Variants in CSNK2A2 observed in about 807,000 individuals in gnomAD.
CSNK2A2 encodes the protein casein kinase 2 alpha 2, also known as casein kinase II subunit alpha'.
In CSNK2A2, 8 loss-of-function variants were observed where a neutral mutation model predicts 54.0. The observed-to-expected ratio is 0.15, with a 90% CI of 0.09 to 0.27. The LOEUF (loss-of-function observed/expected upper bound fraction) is 0.27. CSNK2A2 is among the 10% of genes least tolerant of loss of function. The pLI is 1.00. For synonymous variants in CSNK2A2, 141 were observed against 153.9 expected, an observed-to-expected ratio of 0.92 and a Z score of 0.62; for missense variants, 242 against 439.4, an observed-to-expected ratio of 0.55 and a Z score of 4.02.
Position 58,197,704 on chromosome 16 carries a change from C to T in CSNK2A2, c.33G>A (p.Arg11=). ...TCAGACTGTTCACCTCGGCGTAGACCCGGGCCCTGCTGCCCGCGGCCGGGC... is the reference window on the plus strand; with the variant it reads ...TCAGACTGTTCACCTCGGCGTAGACTCGGGCCCTGCTGCCCGCGGCCGGGC... MPGPAAGSRA[R]VYAEVNSLRS... The change falls in exon 1 of 12, where the codon CGG becomes CGA. Residue 11 remains arginine, a synonymous_variant. Coordinates refer to ENST00000262506, the MANE Select transcript of CSNK2A2 (RefSeq NM_001896.4). The surrounding 1 kb of genome is among the most constrained non-coding windows in gnomAD (Gnocchi z 4.0). 3 of 1,519,100 alleles carry T rather than the reference C, an allele frequency of 2.0e-6. No homozygotes were observed. The highest frequency in any genetic ancestry group is 2.6e-6 in the Non-Finnish European group (3 of 1,134,106). The allele number at this position is 1,519,100 out of a possible 1,614,324, so 94.1% of individuals were successfully genotyped here.
chr16:58,177,278 A>G (rs1357199895), intron 4 of CSNK2A2, among the ~76,000 whole-genome samples: 2 of 152,184 alleles, frequency 1.3e-5, no homozygotes, highest in African/African-American at 4.8e-5. Flanking sequence ...GAAACGTCAC[A>G]AGAACTACAC....
Position 58,198,089 on chromosome 16 carries a change from G to A in CSNK2A2, c.-353C>T, listed in dbSNP as rs1232678247. On this transcript the variant is annotated 5_prime_UTR_variant, in exon 1 of 12. Transcript: ENST00000262506. ...GGAAAGGGGCAGCGGCGGCGGCAGC[G>A]GAGAAGAAGGAGGAGAGGAGGAGGA... 1.4e-5 allele frequency among the ~76,000 whole-genome samples: 2 copies of A among 146,610 alleles called. No individual in the cohort carries two copies. The highest frequency in any genetic ancestry group is 2.4e-5 in the African/African-American group (1 of 40,864).
At chr16:58,166,260 AAACT>A (rs1477421357) in intron 9 of CSNK2A2, among the ~76,000 whole-genome samples, 2 of 152,350 alleles carry the variant, frequency 1.3e-5, no homozygotes, top group Admixed American at 6.5e-5. Context: ...AATAAAAAAC[AAACT>A]AAGTCTCTTA....
intron 4 of CSNK2A2, among the ~76,000 whole-genome samples, chr16:58,182,314 A>G (rs1962062181): frequency 7.2e-6 from 1 of 139,112 alleles, no homozygotes; most frequent in South Asian, 2.4e-4. Context: ...GTGGATCACG[A>G]GGTAAGCCAT....
At chr16:58,183,216 A>C (rs886472390) in intron 4 of CSNK2A2, among the ~76,000 whole-genome samples, 1 of 83,988 alleles carries the variant, frequency 1.2e-5, no homozygotes. Flanking sequence ...TTTAAAAATT[A>C]AAAAAAAAAA....
At chr16:58,167,030 C>T (rs1179549412) in intron 8 of CSNK2A2, among the ~76,000 whole-genome samples, 177 bp downstream of exon 8, 2 of 152,206 alleles carry the variant, frequency 1.3e-5, no homozygotes, top group African/African-American at 4.8e-5. Flanking sequence ...GCATTATCTG[C>T]CTCTACTTCT....
At chr16:58,188,893 T>C (rs1962259089) in intron 2 of CSNK2A2, among the ~76,000 whole-genome samples, 1 of 151,810 alleles carries the variant, frequency 6.6e-6, no homozygotes, top group Non-Finnish European at 1.5e-5. Context: ...GATATGGGAA[T>C]TCCTGCAACT....
At chr16:58,173,313 C>T (rs1196298988) in intron 5 of CSNK2A2, among the ~76,000 whole-genome samples, 3 of 152,290 alleles carry the variant, frequency 2.0e-5, no homozygotes, top group Non-Finnish European at 4.4e-5. Context: ...AAAAGTGGTG[C>T]GTACAAGTTC....
chr16:58,188,493 C>G (rs1055660164), intron 2 of CSNK2A2, among the ~76,000 whole-genome samples: 7 of 152,176 alleles, frequency 4.6e-5, no homozygotes, highest in African/African-American at 1.7e-4. Flanking sequence ...CAAACTGATC[C>G]AGACTTTTAA....
intron 2 of CSNK2A2, among the ~76,000 whole-genome samples, chr16:58,189,178 C>T (rs1962266376): frequency 6.6e-6 from 1 of 152,150 alleles, no homozygotes; most frequent in Admixed American, 6.5e-5. Flanking sequence ...AGGGTGATCT[C>T]GTCCTGACCT....
chr16:58,178,962 A>G (rs1050832972), intron 4 of CSNK2A2, among the ~76,000 whole-genome samples: 2 of 152,208 alleles, frequency 1.3e-5, no homozygotes, highest in African/African-American at 4.8e-5. Context: ...ATTCTGGATC[A>G]CACATTCACA....
At position 58,166,609 on chromosome 16, in the gene CSNK2A2, G is replaced by C; in HGVS notation, c.802C>G (p.Pro268Ala). 6.2e-7 allele frequency: 1 copy of C among 1,611,810 alleles called. No homozygotes were observed. The highest frequency in any genetic ancestry group is 1.1e-5 in the South Asian group (1 of 91,034). The part of the protein sequence containing the change: ...YLKKYHIDLD[P>A]HFNDILGQHS... ...TGTCCCAGGATATCGTTGAAGTGTGGATCTAGGTCTATGTGATACTTCTTC... is the reference window on the plus strand; with the variant it reads ...TGTCCCAGGATATCGTTGAAGTGTGCATCTAGGTCTATGTGATACTTCTTC... The change falls in exon 9 of 12, where the codon CCA becomes GCA. Residue 268 changes from proline (P) to alanine (A), a missense_variant. By Grantham distance (27) the Pro-to-Ala change is conservative. Around this residue, in one of 5 missense-constraint regions of CSNK2A2, gnomAD observed 81 missense variants for 135.0 expected, o/e 0.60. Coordinates refer to ENST00000262506, the MANE Select transcript of CSNK2A2 (RefSeq NM_001896.4).
intron 4 of CSNK2A2, among the ~76,000 whole-genome samples, chr16:58,181,366 A>C (rs187292398): frequency 6.6e-6 from 1 of 152,306 alleles, no homozygotes; most frequent in East Asian, 1.9e-4. Context: ...GCCACACTGA[A>C]AAGGGGAGAC....
At chr16:58,181,575 G>A (rs1962043081) in intron 4 of CSNK2A2, among the ~76,000 whole-genome samples, 1 of 152,014 alleles carries the variant, frequency 6.6e-6, no homozygotes. Flanking sequence ...GAAAAAGTAT[G>A]AAGGGAAAAA....
At chr16:58,167,170 C>T (rs755428210) in intron 8 of CSNK2A2, 37 bp downstream of exon 8, 4 of 1,505,296 alleles carry the variant, frequency 2.7e-6, no homozygotes, top group Non-Finnish European at 3.7e-6. Context: ...TTGGCATTCA[C>T]CCCCAAATAA....
rs1307928236 is a variant in CSNK2A2 at position 58,174,496 on chromosome 16, G to A, written c.384C>T (p.Ile128=). ...AAAACCGGATATCAAAGTCTGTCAG[G>A]ATCTGGTAGAGTTGCTGAAACAGAT... The part of the protein sequence containing the change: ...NNTDFKQLYQ[I]LTDFDIRFYM... Residue 128 remains isoleucine (I), a synonymous_variant, in exon 5 of 12, where the codon ATC becomes ATT. Transcript: ENST00000262506. The A allele has an allele frequency of 6.2e-7, 1 of 1,612,432 alleles. No homozygotes were observed. The highest frequency in any genetic ancestry group is 8.5e-7 in the Non-Finnish European group (1 of 1,179,308).
chr16:58,169,219 C>T (rs1262851306), intron 5 of CSNK2A2, among the ~76,000 whole-genome samples: 2 of 152,002 alleles, frequency 1.3e-5, no homozygotes, highest in Non-Finnish European at 2.9e-5. Context: ...AGCCACTGTG[C>T]CCAGCCGAGG....
chr16:58,171,979 A>ATATATATATATATATATATATT (rs1261137669), intron 5 of CSNK2A2, among the ~76,000 whole-genome samples: 15 of 66,176 alleles, frequency 2.3e-4, no homozygotes, highest in Admixed American at 3.8e-4. Flanking sequence ...ATATATATAT[A>ATATATATATATATATATATATT]TTTTTTTTTT....
chr16:58,178,632 T>TAA (rs763919342), intron 4 of CSNK2A2, among the ~76,000 whole-genome samples: 7 of 152,296 alleles, frequency 4.6e-5, no homozygotes, highest in African/African-American at 1.4e-4. Context: ...GTCCAACTCT[T>TAA]AGAGACTGAC....
Sources: allele counts gnomAD v4.1 joint callset (sites outside exome capture counted in the v4.1 genomes callset), GRCh38; gene constraint gnomAD v4.1.1; regional missense constraint gnomAD v4.1.1; non-coding constraint Gnocchi (gnomAD v3.1); transcripts MANE v1.5; gene names NCBI Gene and HGNC (gene_info 2026-07-23, HGNC 2026-07-21).